Variants in NRXN3 observed in about 807,000 individuals in gnomAD.
NRXN3 encodes neurexin 3.
In NRXN3, 32 loss-of-function variants were observed where a neutral mutation model predicts 137.6. That is an observed-to-expected ratio of 0.23 (90% CI 0.18 to 0.31). NRXN3 has a LOEUF of 0.31. Among genes scored for constraint, NRXN3 ranks in the 10% least tolerant of loss-of-function variants. The pLI, the probability that NRXN3 is intolerant of heterozygous loss-of-function variation, is 1.00. For synonymous variants in NRXN3, 798 were observed against 784.5 expected, an observed-to-expected ratio of 1.02 and a Z score of -0.29; for missense variants, 1,574 against 2,062.5, an observed-to-expected ratio of 0.76 and a Z score of 4.59.
At chr14:78,643,608 G>A (rs1292582495) in intron 4 of NRXN3, among the ~76,000 whole-genome samples, 6 of 152,124 alleles carry the variant, frequency 3.9e-5, no homozygotes, top group African/African-American at 7.2e-5. Flanking sequence ...TAGAGTTTTT[G>A]GATTCCTTGG....
chr14:79,858,994 A>C (rs576981090), intron 20 of NRXN3, among the ~76,000 whole-genome samples: 3,103 of 151,742 alleles, frequency 0.02, 118 homozygotes, highest in African/African-American at 0.072. Flanking sequence ...AAGAAAAAAA[A>C]AAAAAACAGG....
intron 16 of NRXN3, among the ~76,000 whole-genome samples, chr14:79,548,382 G>T (rs535165182): frequency 6.6e-6 from 1 of 152,178 alleles, no homozygotes; most frequent in South Asian, 2.1e-4. Context: ...TCTTTTTTAT[G>T]GCTGCATAAT....
chr14:78,760,034 CTTTT>C (rs61320632), intron 8 of NRXN3, among the ~76,000 whole-genome samples: 1 of 86,716 alleles, frequency 1.2e-5, no homozygotes, highest in African/African-American at 5.0e-5. Flanking sequence ...AGCCTGCAGT[CTTTT>C]TTTTTTTTTT....
intron 4 of NRXN3, among the ~76,000 whole-genome samples, chr14:78,318,690 C>A (rs2078985267): frequency 6.6e-6 from 1 of 152,120 alleles, no homozygotes; most frequent in South Asian, 2.1e-4. Flanking sequence ...GTTCTTATTA[C>A]CTGCCTTAGC....
At chr14:79,346,856 A>C (rs2153378887) in intron 15 of NRXN3, among the ~76,000 whole-genome samples, 1 of 152,296 alleles carries the variant, frequency 6.6e-6, no homozygotes, top group South Asian at 2.1e-4. Context: ...CCCAACTTCA[A>C]GTTCATGAGG....
intron 15 of NRXN3, among the ~76,000 whole-genome samples, chr14:79,034,349 T>TACACACACACACACACAC (rs56226324): frequency 0.078 from 11,240 of 144,286 alleles, 567 homozygotes; most frequent in African/African-American, 0.1. Flanking sequence ...TCTTATTTCT[T>TACACACACACACACACAC]ACACACACAC....
At chr14:79,832,351 A>G (rs1025800596) in intron 20 of NRXN3, among the ~76,000 whole-genome samples, 1 of 152,164 alleles carries the variant, frequency 6.6e-6, no homozygotes, top group African/African-American at 2.4e-5. Flanking sequence ...CCTAAGTTGC[A>G]TTGTGGAACT....
intron 15 of NRXN3, among the ~76,000 whole-genome samples, chr14:79,451,318 T>C (rs12147614): frequency 0.077 from 11,712 of 152,270 alleles, 641 homozygotes; most frequent in Middle Eastern, 0.13. Context: ...GACTGAAAGA[T>C]AGGTCATTTT....
chr14:79,125,479 C>G (rs2056238459), intron 15 of NRXN3, among the ~76,000 whole-genome samples: 1 of 152,136 alleles, frequency 6.6e-6, no homozygotes, highest in Admixed American at 6.6e-5. Flanking sequence ...CTTTATTGAA[C>G]AACAACTTTT....
intron 4 of NRXN3, among the ~76,000 whole-genome samples, chr14:78,587,645 G>A (rs200681932): frequency 3.9e-5 from 6 of 152,158 alleles, no homozygotes; most frequent in Non-Finnish European, 7.4e-5. Flanking sequence ...CTACACATTC[G>A]CAACTATTTT....
intron 15 of NRXN3, among the ~76,000 whole-genome samples, chr14:79,304,712 T>C (rs2085746419): frequency 6.6e-6 from 1 of 152,100 alleles, no homozygotes; most frequent in South Asian, 2.1e-4. Flanking sequence ...TCAAGTTAAG[T>C]TCTGCTGATG....
intron 4 of NRXN3, among the ~76,000 whole-genome samples, chr14:78,515,760 A>G (rs2096195950): frequency 6.6e-6 from 1 of 152,072 alleles, no homozygotes; most frequent in South Asian, 2.1e-4. Context: ...GAGTGTAAAG[A>G]TAATTTGAGG....
intron 19 of NRXN3, among the ~76,000 whole-genome samples, chr14:79,726,824 A>C (rs901240118): frequency 2.6e-5 from 4 of 152,186 alleles, no homozygotes; most frequent in African/African-American, 7.2e-5. Flanking sequence ...ATTCAGGTTC[A>C]TATAGTATGA....
chr14:78,839,750 C>T (rs1484107989), intron 10 of NRXN3, among the ~76,000 whole-genome samples: 1 of 152,224 alleles, frequency 6.6e-6, no homozygotes, highest in Non-Finnish European at 1.5e-5. Context: ...TCTGGCCTCA[C>T]TGGAGCAAGA....
At chr14:79,136,475 C>T (rs2058240834) in intron 15 of NRXN3, among the ~76,000 whole-genome samples, 1 of 152,160 alleles carries the variant, frequency 6.6e-6, no homozygotes, top group Admixed American at 6.5e-5. Context: ...TGTTCTTCTC[C>T]TCTACTTCTC....
At chr14:78,244,200 C>T (rs537891687) in intron 2 of NRXN3, among the ~76,000 whole-genome samples, 3 of 152,106 alleles carry the variant, frequency 2.0e-5, no homozygotes, top group Non-Finnish European at 4.4e-5. Flanking sequence ...GAGGCCGAAG[C>T]GGGCAGATCA....
intron 4 of NRXN3, among the ~76,000 whole-genome samples, chr14:78,377,032 CA>C (rs1344241155): frequency 6.6e-6 from 1 of 151,938 alleles, no homozygotes; most frequent in African/African-American, 2.4e-5. Flanking sequence ...AAATAAAGAA[CA>C]GAGAAAATAA....
At chr14:78,674,641 A>G (rs2097980521) in intron 6 of NRXN3, among the ~76,000 whole-genome samples, 1 of 152,162 alleles carries the variant, frequency 6.6e-6, no homozygotes, top group East Asian at 1.9e-4. Context: ...GTGGTAGGTG[A>G]AAGTTCCTTA....
chr14:78,195,821 G>A (rs1389329287), intron 1 of NRXN3, among the ~76,000 whole-genome samples: 1 of 152,202 alleles, frequency 6.6e-6, no homozygotes, highest in Non-Finnish European at 1.5e-5. Context: ...ACTATAACCT[G>A]TTGCTGTCAA....
Sources: gnomAD v4.1 joint callset for allele counts (sites outside exome capture counted in the v4.1 genomes callset) on GRCh38, gnomAD v4.1.1 for gene constraint, MANE v1.5 for transcripts, NCBI Gene and HGNC (gene_info 2026-07-23, HGNC 2026-07-21) for gene names.